ZGLP1: variants seen among roughly 807,000 people sequenced by gnomAD.
The protein encoded by ZGLP1 is zinc finger GATA like protein 1.
In ZGLP1, 11 loss-of-function variants were observed where a neutral mutation model predicts 21.4. The ratio of observed to expected loss-of-function variants is 0.51; its 90% CI spans 0.32 to 0.85. The LOEUF (loss-of-function observed/expected upper bound fraction) is 0.85. Among genes scored for constraint, ZGLP1 ranks in the 40% least tolerant of loss-of-function variants. ZGLP1 has a pLI of 0.03. For missense variants in ZGLP1, 295 were observed against 355.6 expected (o/e 0.83, Z 1.37); for synonymous variants, 148 against 145.0 (o/e 1.02, Z -0.15).
Position 10,304,902 on chromosome 19 carries a change from G to C in ZGLP1, c.*189C>G, listed in dbSNP as rs142096484. ...GCCTCGGCCAAGGCTGACTGGAGAA[G>C]GGGCTGGTGACCCCTAGCAGGCTCT... On this transcript the variant is annotated 3_prime_UTR_variant, in exon 4 of 4. Coordinates refer to ENST00000403903, the Ensembl canonical transcript of ZGLP1. The C allele has an allele frequency of 1.0e-3, 602 of 591,012 alleles. 1 individual carries two copies. Among genetic ancestry groups the C allele is most frequent in the African/African-American group, 0.01 (541 of 53,684 alleles). The allele number at this position is 591,012 out of a possible 1,614,324, so 36.6% of individuals were successfully genotyped here.
exon 1 of ZGLP1, chr19:10,309,510 T>C (rs991744690): frequency 2.0e-5 from 3 of 152,606 alleles, no homozygotes; most frequent in African/African-American, 7.2e-5. Context: ...GCCCCCTCCC[T>C]AATTTCACCC....
chr19:10,306,442 G>A (rs2040280040), intron 1 of ZGLP1, among the ~76,000 whole-genome samples: 1 of 151,928 alleles, frequency 6.6e-6, no homozygotes, highest in South Asian at 2.1e-4. Context: ...TTGAAAAATA[G>A]TAAGCACAGG....
chr19:10,306,127 T>A (rs1015958687), intron 1 of ZGLP1, among the ~76,000 whole-genome samples, 175 bp from the exon 3 acceptor site: 9 of 137,380 alleles, frequency 6.6e-5, no homozygotes, highest in Admixed American at 6.2e-4. Context: ...TATTATTATT[T>A]TTGCAGATGG....
exon 4 of ZGLP1, chr19:10,304,937 G>C: frequency 1.5e-6 from 1 of 651,634 alleles, no homozygotes. Flanking sequence ...TGCCACCTGA[G>C]GCCTGGGTCT....
At chr19:10,306,804 G>A (rs1378252679) in intron 1 of ZGLP1, among the ~76,000 whole-genome samples, 1 of 151,962 alleles carries the variant, frequency 6.6e-6, no homozygotes, top group East Asian at 1.9e-4. Flanking sequence ...GACAGAGCAA[G>A]ACCCTGTCTC....
At position 10,305,473 on chromosome 19, in the gene ZGLP1, G is replaced by C; in HGVS notation, c.615C>G (p.Arg205=). The change falls in exon 3 of 4, where the codon CGC becomes CGG. Residue 205 remains arginine, a synonymous_variant. Transcript: ENST00000403903. This position sits in a 1 kb window ranked among gnomAD's most constrained non-coding sequence, Gnocchi z 4.7. ...TCCTCTGGGTCCGACAGGAAGCACAGCGCCGGGGCTCTGAAGGGTCAGAGG... is the reference window on the plus strand; with the variant it reads ...TCCTCTGGGTCCGACAGGAAGCACACCGCCGGGGCTCTGAAGGGTCAGAGG... 1 of 1,595,876 alleles carries C rather than the reference G, an allele frequency of 6.3e-7. No individual in the cohort carries two copies. Among genetic ancestry groups the C allele is most frequent in the Non-Finnish European group, 8.5e-7 (1 of 1,171,358 alleles).
Position 10,305,582 on chromosome 19 carries a change from G to A in ZGLP1, c.605-99C>T, listed in dbSNP as rs1423080544. ...GCATTTTGTGGGGGTCTCAGTAAAG[G>A]CCCCACCTAGCTCTGGATCAGCCCT... On this transcript the variant is annotated intron_variant, in intron 2 of 3. Transcript: ENST00000403903. This position sits in a 1 kb window ranked among gnomAD's most constrained non-coding sequence, Gnocchi z 4.7. 2.0e-6 allele frequency: 2 copies of A among 1,022,866 alleles called. No individual in the cohort carries two copies. The highest frequency in any genetic ancestry group is 4.1e-5 in the Admixed American group (2 of 48,476). 63.4% of individuals were successfully genotyped at this position (1,022,866 alleles called of 1,614,324 possible). A position where few individuals can be genotyped will look rare whatever the true frequency, so the allele number is the denominator to read the frequency against.
chr19:10,305,058 C>A lies in ZGLP1; in HGVS notation c.*33G>T. On this transcript the variant is annotated 3_prime_UTR_variant, in exon 4 of 4. Transcript: ENST00000403903. The surrounding 1 kb of genome is among the most constrained non-coding windows in gnomAD (Gnocchi z 4.7). ...CATTCTCCCACTGGTGAAACGGAGG[C>A]AGAAGCAGCAGCTCAGCAGGGTGAA... The A allele has an allele frequency of 6.5e-7, 1 of 1,536,454 alleles. No individual in the cohort carries two copies. The highest frequency in any genetic ancestry group is 9.0e-7 in the Non-Finnish European group (1 of 1,110,336).
chr19:10,308,039 T>G, intron 1 of ZGLP1, 146 bp downstream of exon 2: 1 of 1,156,258 alleles, frequency 8.6e-7, no homozygotes, highest in Non-Finnish European at 1.2e-6. Context: ...TGGCACCAGC[T>G]CAAGTTGTCA....
chr19:10,309,600 G>C (rs2040302076), exon 1 of ZGLP1: 1 of 152,602 alleles, frequency 6.6e-6, no homozygotes, highest in African/African-American at 2.4e-5. Context: ...TCTTGGTAGA[G>C]GATGCGATGA....
chr19:10,307,795 C>T (rs1162141950), intron 1 of ZGLP1, among the ~76,000 whole-genome samples: 2 of 152,224 alleles, frequency 1.3e-5, no homozygotes, highest in Non-Finnish European at 2.9e-5. Flanking sequence ...GGATTATAGG[C>T]GTGAGCCACT....
At chr19:10,308,355 C>T in exon 1 of ZGLP1, 1 of 1,608,004 alleles carries the variant, frequency 6.2e-7, no homozygotes, top group Non-Finnish European at 8.5e-7. Flanking sequence ...GACGGCGGCC[C>T]TTTTGGCTGA....
chr19:10,306,641 G>T (rs1334245499), intron 1 of ZGLP1, among the ~76,000 whole-genome samples: 1 of 151,738 alleles, frequency 6.6e-6, no homozygotes, highest in African/African-American at 2.4e-5. Context: ...AATATAGGGA[G>T]ACCCCGTCTC....
rs1184373598 is a variant in ZGLP1, at chr19:10,305,605, C to T, written c.605-122G>A. 23 of 896,776 alleles carry T rather than the reference C, an allele frequency of 2.6e-5. No individual in the cohort carries two copies. The highest frequency in any genetic ancestry group is 4.0e-5 in the Non-Finnish European group (23 of 573,304). The allele number at this position is 896,776 out of a possible 1,614,324, so 55.6% of individuals were successfully genotyped here. ...AGGCCCCACCTAGCTCTGGATCAGC[C>T]CTGGGAGTTGCCAGCTCTAAGCCAC... On this transcript the variant is annotated intron_variant, in intron 2 of 3. Transcript: ENST00000403903. This position sits in a 1 kb window ranked among gnomAD's most constrained non-coding sequence, Gnocchi z 4.7.
In ZGLP1 at chr19:10,305,282, T is replaced by G; in HGVS notation, c.699-74A>C. On this transcript the variant is annotated intron_variant, in intron 3 of 3. Transcript: ENST00000403903. This position sits in a 1 kb window ranked among gnomAD's most constrained non-coding sequence, Gnocchi z 4.7. ...GGAAACCGCCACAAGGAAACCACTTTTCCCAAGAGGTAGGTGTTTTGCTTT... is the reference window on the plus strand; with the variant it reads ...GGAAACCGCCACAAGGAAACCACTTGTCCCAAGAGGTAGGTGTTTTGCTTT... 1 of 1,571,208 alleles carries G rather than the reference T, an allele frequency of 6.4e-7. No individual in the cohort carries two copies. The highest frequency in any genetic ancestry group is 8.7e-7 in the Non-Finnish European group (1 of 1,145,178).
rs1456619142 is a variant in ZGLP1 at position 10,305,959 on chromosome 19, G to A, written c.498-7C>T. The A allele has an allele frequency of 5.8e-6, 9 of 1,550,654 alleles. No individual in the cohort carries two copies. In the South Asian group the frequency reaches 1.1e-4, roughly 18 times the overall value. On this transcript the variant is annotated splice_region_variant and splice_polypyrimidine_tract_variant and intron_variant, in intron 1 of 3. Transcript: ENST00000403903. The surrounding 1 kb of genome is among the most constrained non-coding windows in gnomAD (Gnocchi z 4.7). ...ACGGCTACTGCAGGGCAGGCTGTGGGGCAGACAAGGTATTAGCACTGGGGG... is the reference window on the plus strand; with the variant it reads ...ACGGCTACTGCAGGGCAGGCTGTGGAGCAGACAAGGTATTAGCACTGGGGG...
At position 10,305,678 on chromosome 19, in the gene ZGLP1, A is replaced by G; in HGVS notation, c.604+168T>C. The G allele has an allele frequency of 1.4e-6, 1 of 732,164 alleles. No individual in the cohort carries two copies. The highest frequency in any genetic ancestry group is 2.3e-6 in the Non-Finnish European group (1 of 433,668). The allele number at this position is 732,164 out of a possible 1,614,324, so 45.4% of individuals were successfully genotyped here. A position where few individuals can be genotyped will look rare whatever the true frequency, so the allele number is the denominator to read the frequency against. ...GATGGCAGCATTCCGCAGAGGAGGA[A>G]GCTGGGGGTGGGGGTGACTCAGCCC... On this transcript the variant is annotated intron_variant, in intron 2 of 3. Transcript: ENST00000403903. This position sits in a 1 kb window ranked among gnomAD's most constrained non-coding sequence, Gnocchi z 4.7.
rs546371073 is a variant in ZGLP1, at chr19:10,306,906, G to A, written c.498-954C>T. Reference sequence around the variant, plus strand: ...CCCAACACTTTGGGAGGGCAAGGCAGATGGATCACCTGAGGTCAAGAGATC... The same window carrying A: ...CCCAACACTTTGGGAGGGCAAGGCAAATGGATCACCTGAGGTCAAGAGATC... On this transcript the variant is annotated intron_variant, in intron 1 of 3. Transcript: ENST00000403903. 4.9e-4 allele frequency among the ~76,000 whole-genome samples: 74 copies of A among 152,258 alleles called. 2 individuals carry two copies. In the South Asian group the frequency reaches 0.014, roughly 28 times the overall value.
At position 10,309,330 on chromosome 19, in the gene ZGLP1, G is replaced by A. The variant is rs1461701882; in HGVS notation, c.-649C>T. On this transcript the variant is annotated 5_prime_UTR_variant, in exon 1 of 4. Transcript: ENST00000403903. ...GAAGTGCTAGCGGGGTCCGGGGAAT[G>A]GGGTTTGGCCTTACGCACCTCTCAC... is the stretch of plus-strand genomic sequence containing the variant. The A allele has an allele frequency of 6.5e-6, 1 of 152,842 alleles. No individual in the cohort carries two copies. The highest frequency in any genetic ancestry group is 1.9e-4 in the East Asian group (1 of 5,330). The allele number at this position is 152,842 out of a possible 1,614,324, so 9.5% of individuals were successfully genotyped here.
Sources: gnomAD v4.1 joint callset for allele counts (sites outside exome capture counted in the v4.1 genomes callset) on GRCh38, gnomAD v4.1.1 for gene constraint, Gnocchi (gnomAD v3.1) non-coding constraint, MANE v1.5 for transcripts, NCBI Gene and HGNC (gene_info 2026-07-23, HGNC 2026-07-21) for gene names.